CPA6: variants seen among roughly 807,000 people sequenced by gnomAD.
CPA6 encodes the protein carboxypeptidase B.
In CPA6, 58 loss-of-function variants were observed where a neutral mutation model predicts 63.3. The observed-to-expected ratio is 0.92, with a 90% CI of 0.74 to 1.14. CPA6 has a LOEUF of 1.14. Among genes scored for constraint, CPA6 ranks in the 50% most tolerant of loss-of-function variants. The pLI is 0.00. For missense variants in CPA6, 565 were observed against 526.6 expected, an observed-to-expected ratio of 1.07 and a Z score of -0.71; for synonymous variants, 185 against 179.0, an observed-to-expected ratio of 1.03 and a Z score of -0.27.
chr8:67,494,743 C>T (rs909259574), intron 6 of CPA6, among the ~76,000 whole-genome samples: 1 of 152,128 alleles, frequency 6.6e-6, no homozygotes, highest in Non-Finnish European at 1.5e-5. Context: ...AAATTTGTAC[C>T]AGGACCTCAA....
chr8:67,523,636 A>T (rs1812304211), intron 2 of CPA6, among the ~76,000 whole-genome samples: 1 of 152,278 alleles, frequency 6.6e-6, no homozygotes, highest in Non-Finnish European at 1.5e-5. Flanking sequence ...AAAAGAAGTC[A>T]TAATTCCGCT....
At chr8:67,595,618 C>G (rs1317652326) in intron 2 of CPA6, among the ~76,000 whole-genome samples, 2 of 152,230 alleles carry the variant, frequency 1.3e-5, no homozygotes, top group Non-Finnish European at 2.9e-5. Context: ...TTGCTGCCAC[C>G]TTGCAGTTTG....
intron 2 of CPA6, among the ~76,000 whole-genome samples, chr8:67,538,113 T>C (rs1812626138): frequency 6.6e-6 from 1 of 152,210 alleles, no homozygotes. Context: ...AATTATGTGG[T>C]CAATTTTAGA....
chr8:67,429,390 T>C (rs1471005749), intron 9 of CPA6, among the ~76,000 whole-genome samples: 1 of 152,188 alleles, frequency 6.6e-6, no homozygotes, highest in Non-Finnish European at 1.5e-5. Flanking sequence ...AACTCTCCGA[T>C]TTCAGCTTGC....
chr8:67,702,086 C>T (rs558945348), intron 1 of CPA6, among the ~76,000 whole-genome samples: 1 of 152,212 alleles, frequency 6.6e-6, no homozygotes, highest in South Asian at 2.1e-4. Flanking sequence ...AGACAGTCTC[C>T]CAATAGACAG....
intron 2 of CPA6, among the ~76,000 whole-genome samples, chr8:67,563,158 C>T (rs1034814798): frequency 6.7e-6 from 1 of 150,196 alleles, no homozygotes; most frequent in Admixed American, 6.6e-5. Context: ...TAGGATGTGA[C>T]AACATGCTTT....
At chr8:67,487,162 G>A (rs1350663692) in intron 6 of CPA6, among the ~76,000 whole-genome samples, 4 of 152,022 alleles carry the variant, frequency 2.6e-5, no homozygotes, top group African/African-American at 4.8e-5. Context: ...CCATTAACTC[G>A]TCATTTACAT....
At chr8:67,655,948 C>T (rs1309108639) in intron 1 of CPA6, among the ~76,000 whole-genome samples, 2 of 152,064 alleles carry the variant, frequency 1.3e-5, no homozygotes, top group African/African-American at 4.8e-5. Context: ...TTACATCTTA[C>T]CTATCTCCTT....
At chr8:67,734,251 G>C (rs1295394133) in intron 1 of CPA6, among the ~76,000 whole-genome samples, 2 of 151,600 alleles carry the variant, frequency 1.3e-5, no homozygotes, top group South Asian at 4.2e-4. Context: ...GCAAACAGAG[G>C]GTACAGGTGT....
chr8:67,534,626 C>CT (rs1469035231), intron 2 of CPA6, among the ~76,000 whole-genome samples: 1 of 152,152 alleles, frequency 6.6e-6, no homozygotes, highest in Non-Finnish European at 1.5e-5. Flanking sequence ...CAGTGCTTGT[C>CT]TAAGTCTGTT....
At chr8:67,622,332 T>C (rs1276754899) in intron 2 of CPA6, among the ~76,000 whole-genome samples, 1 of 152,224 alleles carries the variant, frequency 6.6e-6, no homozygotes, top group Non-Finnish European at 1.5e-5. Flanking sequence ...ATTCAGAAAG[T>C]GTTCAGCTAC....
chr8:67,423,342 C>T (rs1310695464), intron 10 of CPA6, among the ~76,000 whole-genome samples: 2 of 152,224 alleles, frequency 1.3e-5, no homozygotes, highest in African/African-American at 4.8e-5. Flanking sequence ...GCCTTGGCCT[C>T]CCAAAGTGCT....
chr8:67,623,292 A>T (rs966747212), intron 2 of CPA6, among the ~76,000 whole-genome samples: 1 of 152,266 alleles, frequency 6.6e-6, no homozygotes, highest in Admixed American at 6.5e-5. Context: ...CTTCTAGGAC[A>T]TTCCAGACAC....
At chr8:67,696,180 C>A (rs1313656551) in intron 1 of CPA6, among the ~76,000 whole-genome samples, 2 of 151,998 alleles carry the variant, frequency 1.3e-5, no homozygotes, top group Non-Finnish European at 2.9e-5. Context: ...ACCAGGATAA[C>A]CATATGCTGG....
intron 10 of CPA6, among the ~76,000 whole-genome samples, chr8:67,427,296 AT>A (rs1196720173): frequency 2.0e-5 from 3 of 152,076 alleles, no homozygotes; most frequent in Admixed American, 6.6e-5. Flanking sequence ...CCTTAGCCAG[AT>A]TTTTTTGTCC....
chr8:67,641,543 G>A (rs1815591884), intron 1 of CPA6, among the ~76,000 whole-genome samples: 1 of 152,204 alleles, frequency 6.6e-6, no homozygotes, highest in Non-Finnish European at 1.5e-5. Flanking sequence ...TGAAAGTGCA[G>A]TATGGAGTGT....
At chr8:67,446,003 G>A (rs904965961) in intron 8 of CPA6, among the ~76,000 whole-genome samples, 2 of 152,154 alleles carry the variant, frequency 1.3e-5, no homozygotes, top group East Asian at 1.9e-4. Context: ...GGTGGCTCAC[G>A]CCTGTAATCC....
chr8:67,650,542 A>G (rs1001781958), intron 1 of CPA6, among the ~76,000 whole-genome samples: 2 of 152,098 alleles, frequency 1.3e-5, no homozygotes, highest in Non-Finnish European at 2.9e-5. Flanking sequence ...CTCTACTTGG[A>G]CCAAATAAGG....
chr8:67,560,136 G>A (rs938073517), intron 2 of CPA6, among the ~76,000 whole-genome samples: 3 of 133,548 alleles, frequency 2.2e-5, no homozygotes, highest in Middle Eastern at 4.1e-3. Context: ...AAGACAGTTG[G>A]TATCACATCT....
Sources: allele counts gnomAD v4.1 joint callset (sites outside exome capture counted in the v4.1 genomes callset), GRCh38; gene constraint gnomAD v4.1.1; transcripts MANE v1.5; gene names NCBI Gene and HGNC (gene_info 2026-07-23, HGNC 2026-07-21).